Variants in EPRS1 observed in about 807,000 individuals in gnomAD.
EPRS1 encodes the protein bifunctional glutamate/proline--tRNA ligase.
In EPRS1, 107 loss-of-function variants were observed where a neutral mutation model predicts 188.3. That is an observed-to-expected ratio of 0.57 (90% CI 0.49 to 0.67). The LOEUF (loss-of-function observed/expected upper bound fraction) is 0.67. Among genes scored for constraint, EPRS1 ranks in the 30% least tolerant of loss-of-function variants. The pLI is 0.00. For missense variants in EPRS1, 1,577 were observed against 1,802.2 expected (o/e 0.88, Z 2.26); for synonymous variants, 596 against 593.1 (o/e 1.00, Z -0.07).
intron 12 of EPRS1, among the ~76,000 whole-genome samples, chr1:220,013,474 T>C (rs564855401): frequency 1.2e-4 from 19 of 152,208 alleles, no homozygotes; most frequent in South Asian, 2.1e-4. Flanking sequence ...CAAAGAATCA[T>C]GCAAATAAAT....
intron 28 of EPRS1, among the ~76,000 whole-genome samples, chr1:219,975,443 T>C (rs754889933): frequency 3.3e-5 from 5 of 152,194 alleles, no homozygotes; most frequent in African/African-American, 1.2e-4. Context: ...TTTGTTGTTG[T>C]TGTTTTTCTT....
intron 1 of EPRS1, among the ~76,000 whole-genome samples, chr1:220,041,968 G>A (rs1016713855): frequency 1.9e-4 from 29 of 152,188 alleles, no homozygotes; most frequent in African/African-American, 7.0e-4. Context: ...AAGCAAAGGA[G>A]TACTCAAAGA....
At chr1:219,974,245 A>G (rs1173997859) in intron 28 of EPRS1, among the ~76,000 whole-genome samples, 2 of 152,162 alleles carry the variant, frequency 1.3e-5, no homozygotes, top group African/African-American at 4.8e-5. Context: ...TACTTGGCCA[A>G]GAGTTTGTAT....
intron 20 of EPRS1, among the ~76,000 whole-genome samples, chr1:219,986,873 C>T (rs1401261842): frequency 1.3e-5 from 2 of 151,822 alleles, no homozygotes; most frequent in African/African-American, 4.8e-5. Flanking sequence ...TTAACAGTGG[C>T]TACTGACTGA....
chr1:219,982,828 C>G lies in EPRS1; in HGVS notation c.3317G>C (p.Arg1106Thr). 1 of 1,613,982 alleles carries G rather than the reference C, an allele frequency of 6.2e-7. No homozygotes were observed. Among genetic ancestry groups the G allele is most frequent in the African/African-American group, 1.3e-5 (1 of 75,038 alleles). Reference sequence around the variant, plus strand: ...TTCTGCCAGCTCGGTTTTGCCAGATCTTGTAACCCAAGCAACCTAGTAAGA... The same window carrying G: ...TTCTGCCAGCTCGGTTTTGCCAGATGTTGTAACCCAAGCAACCTAGTAAGA... ...DFAPEVAWVT[R>T]SGKTELAEPI... Residue 1106 changes from arginine (R) to threonine (T), a missense_variant, in exon 23 of 32, where the codon AGA becomes ACA. Physicochemically the swap from Arg to Thr is moderately conservative, Grantham distance 71. Coordinates refer to ENST00000366923, the MANE Select transcript of EPRS1 (RefSeq NM_004446.3).
At chr1:220,038,002 G>A (rs1420504454) in intron 2 of EPRS1, among the ~76,000 whole-genome samples, 2 of 152,074 alleles carry the variant, frequency 1.3e-5, no homozygotes, top group Non-Finnish European at 2.9e-5. Flanking sequence ...GGAGAAAGGG[G>A]GAGATAGAGA....
In EPRS1 at chr1:220,006,088, GT is replaced by G; in HGVS notation, c.1950+17del. On this transcript the variant is annotated intron_variant, in intron 15 of 31. Coordinates refer to ENST00000366923, the MANE Select transcript of EPRS1 (RefSeq NM_004446.3). Reference sequence around the variant, plus strand: ...AGGAAAATTTAAAAGGTGAAATATGGTTTCTTTGGAAGGTTACCTTACTGTT... The same window carrying G: ...AGGAAAATTTAAAAGGTGAAATATGGTTCTTTGGAAGGTTACCTTACTGTT... 1 of 1,429,806 alleles carries G rather than the reference GT, an allele frequency of 7.0e-7. No individual in the cohort carries two copies. Among genetic ancestry groups the G allele is most frequent in the Non-Finnish European group, 9.5e-7 (1 of 1,056,842 alleles). 88.6% of individuals were successfully genotyped at this position (1,429,806 alleles called of 1,614,324 possible). A position where few individuals can be genotyped will look rare whatever the true frequency, so the allele number is the denominator to read the frequency against.
At chr1:220,015,071 G>C (rs888357616) in intron 12 of EPRS1, among the ~76,000 whole-genome samples, 1 of 152,230 alleles carries the variant, frequency 6.6e-6, no homozygotes, top group African/African-American at 2.4e-5. Context: ...AGACAAGAAG[G>C]AAAATAAGAC....
intron 12 of EPRS1, among the ~76,000 whole-genome samples, chr1:220,013,875 T>C (rs1383129875): frequency 6.6e-6 from 1 of 152,204 alleles, no homozygotes; most frequent in African/African-American, 2.4e-5. Context: ...TGCTATGTTT[T>C]AAAGACGGTG....
intron 13 of EPRS1, among the ~76,000 whole-genome samples, chr1:220,008,251 C>T (rs1661534015): frequency 6.6e-6 from 1 of 151,682 alleles, no homozygotes; most frequent in African/African-American, 2.4e-5. Flanking sequence ...ATGGACCTTT[C>T]AGATTTTAGA....
At chr1:220,002,127 C>T (rs1160990395) in intron 16 of EPRS1, among the ~76,000 whole-genome samples, 8 of 151,730 alleles carry the variant, frequency 5.3e-5, no homozygotes, top group South Asian at 4.2e-4. Context: ...GTCAAGAGTT[C>T]GAGACTAGCC....
chr1:220,038,589 G>A (rs943133338), intron 2 of EPRS1, among the ~76,000 whole-genome samples: 3 of 151,536 alleles, frequency 2.0e-5, no homozygotes, highest in African/African-American at 7.3e-5. Context: ...ATGTTGCCCA[G>A]GCTGGTCTCA....
At chr1:220,039,014 A>T (rs1662243524) in intron 2 of EPRS1, among the ~76,000 whole-genome samples, 1 of 152,096 alleles carries the variant, frequency 6.6e-6, no homozygotes, top group Non-Finnish European at 1.5e-5. Flanking sequence ...TGGCCAGATG[A>T]GGAAATTCTA....
intron 1 of EPRS1, among the ~76,000 whole-genome samples, chr1:220,041,630 C>T (rs199976377): frequency 1.2e-4 from 18 of 152,048 alleles, no homozygotes; most frequent in Admixed American, 7.9e-4. Flanking sequence ...CACCTGAGGT[C>T]GGGAGTTCGA....
chr1:219,973,248 G>A lies in EPRS1; in HGVS notation c.4234C>T (p.Leu1412Phe). 6.2e-7 allele frequency: 1 copy of A among 1,612,236 alleles called. No homozygotes were observed. The highest frequency in any genetic ancestry group is 8.5e-7 in the Non-Finnish European group (1 of 1,179,048). ...QAILEDIQVT[L>F]FTRASEDLKT... is the part of the protein sequence containing the mutation. ...ATTTTAAGAAACTACCTTGTGAAAA[G>A]GGTGACCTGGATGTCTTCCAAAATA... Residue 1412 changes from leucine (L) to phenylalanine (F), a missense_variant, in exon 29 of 32, where the codon CTT becomes TTT. Transcript: ENST00000366923.
chr1:220,030,406 T>C lies in EPRS1; in HGVS notation c.603A>G (p.Arg201=). The C allele has an allele frequency of 6.2e-7, 1 of 1,613,766 alleles. No homozygotes were observed. Among genetic ancestry groups the C allele is most frequent in the Non-Finnish European group, 8.5e-7 (1 of 1,179,666 alleles). The change falls in exon 6 of 32, where the codon AGA becomes AGG. Residue 201 remains arginine (R), a synonymous_variant. Transcript: ENST00000366923. ...CTTACCCACTGGCCTCTGGAGGAAA[T>C]CTGACGGTAACCTTTCCCATCTCCG... ...PGAEMGKVTV[R]FPPEASGYLH...
chr1:219,997,046 C>G lies in EPRS1; in HGVS notation c.2478G>C (p.Leu826=). 6.2e-7 allele frequency: 1 copy of G among 1,613,542 alleles called. No homozygotes were observed. Among genetic ancestry groups the G allele is most frequent in the Non-Finnish European group, 8.5e-7 (1 of 1,179,836 alleles). Residue 826 remains leucine (L), a synonymous_variant, in exon 18 of 32, where the codon CTG becomes CTC. Transcript: ENST00000366923. ...SSASILESKS[L]YDEVAAQGEV... ...CCCCTTGTGCAGCAACTTCATCATA[C>G]AGAGATTTACTTTCCAGAATACTTG...
rs768238076 is a variant in EPRS1, at chr1:219,988,767, T to C, written c.2598A>G (p.Glu866=). ...CAGGTATGTACTCCTTCCCAGTTTTTTCTTTATACTGAGCCTTCAGGGACA... is the reference window on the plus strand; with the variant it reads ...CAGGTATGTACTCCTTCCCAGTTTTCTCTTTATACTGAGCCTTCAGGGACA... The part of the protein sequence containing the change: ...CLLSLKAQYK[E]KTGKEYIPGQ... The change falls in exon 19 of 32, where the codon GAA becomes GAG. Residue 866 remains glutamate (E), a synonymous_variant. Coordinates refer to ENST00000366923, the MANE Select transcript of EPRS1 (RefSeq NM_004446.3). 1.2e-6 allele frequency: 2 copies of C among 1,613,748 alleles called. No homozygotes were observed. The highest frequency in any genetic ancestry group is 1.3e-5 in the African/African-American group (1 of 74,928).
chr1:219,996,109 C>T (rs1015642173), intron 18 of EPRS1, among the ~76,000 whole-genome samples: 2 of 152,144 alleles, frequency 1.3e-5, no homozygotes, highest in Admixed American at 6.5e-5. Flanking sequence ...TTATTAAATA[C>T]GATCTTTCAC....
Sources: allele counts gnomAD v4.1 joint callset (sites outside exome capture counted in the v4.1 genomes callset), GRCh38; gene constraint gnomAD v4.1.1; transcripts MANE v1.5; gene names NCBI Gene and HGNC (gene_info 2026-07-23, HGNC 2026-07-21).